MYO10: variants seen among roughly 807,000 people sequenced by gnomAD.
MYO10 encodes unconventional myosin-X.
A neutral mutation model predicts 257.3 loss-of-function variants in MYO10; 133 were observed. The ratio of observed to expected loss-of-function variants is 0.52; its 90% CI spans 0.45 to 0.60. The LOEUF is 0.60. Ranked by LOEUF, MYO10 falls within the 20% of genes least tolerant of loss-of-function variation. The pLI is 0.00. For synonymous variants in MYO10, 1,104 were observed against 1,028.6 expected, an observed-to-expected ratio of 1.07 and a Z score of -1.40; for missense variants, 2,399 against 2,635.7, an observed-to-expected ratio of 0.91 and a Z score of 1.97.
At chr5:16,861,054 G>T (rs1392416787) in intron 2 of MYO10, among the ~76,000 whole-genome samples, 1 of 152,098 alleles carries the variant, frequency 6.6e-6, no homozygotes, top group Non-Finnish European at 1.5e-5. Flanking sequence ...ACCATGGCCT[G>T]AGTCTCACCT....
At chr5:16,672,606 T>C (rs2126468697) in intron 37 of MYO10, 83 bp downstream of exon 37, 9 of 1,525,254 alleles carry the variant, frequency 5.9e-6, no homozygotes, top group Non-Finnish European at 8.1e-6. Context: ...AAGCCACAAA[T>C]GGAATGGGAA....
At chr5:16,672,479 T>A (rs1736514182) in intron 37 of MYO10, among the ~76,000 whole-genome samples, 2 of 151,940 alleles carry the variant, frequency 1.3e-5, no homozygotes. Context: ...AAAAAACCAC[T>A]GACAAGTTAC....
intron 9 of MYO10, among the ~76,000 whole-genome samples, chr5:16,776,089 T>A (rs1323766237): frequency 1.3e-5 from 2 of 148,654 alleles, no homozygotes; most frequent in Admixed American, 1.3e-4. Context: ...TAGAGATGGG[T>A]TTTTGCCATG....
intron 17 of MYO10, 44 bp from the exon 18 acceptor site, chr5:16,758,270 A>C (rs1230537683): frequency 7.7e-7 from 1 of 1,296,516 alleles, no homozygotes; most frequent in East Asian, 2.3e-5. Flanking sequence ...ACACACACCC[A>C]TTATTAGGTG....
rs367952629 is a variant in MYO10 at position 16,701,467 on chromosome 5, G to A, written c.2928C>T (p.Cys976=). The A allele has an allele frequency of 3.3e-5, 54 of 1,613,814 alleles. No homozygotes were observed. In the Middle Eastern group the frequency reaches 6.6e-4, roughly 20 times the overall value. The part of the protein sequence containing the change: ...EFSSELAESA[C]EEKPNFNFSQ... ...TGAAGTTGAAGTTGGGCTTCTCCTC[G>A]CATGCGCTCTCAGCCAGCTCGCTGG... Residue 976 remains cysteine (C), a synonymous_variant, in exon 25 of 41, where the codon TGC becomes TGT. Coordinates refer to ENST00000513610, the MANE Select transcript of MYO10 (RefSeq NM_012334.3). The surrounding 1 kb of genome is among the most constrained non-coding windows in gnomAD (Gnocchi z 8.1).
chr5:16,673,649 C>G (rs1736576794), intron 36 of MYO10, 33 bp downstream of exon 36: 2 of 1,595,248 alleles, frequency 1.3e-6, no homozygotes, highest in South Asian at 1.1e-5. Flanking sequence ...GCAAAGGCAT[C>G]TAACAGAACA....
At chr5:16,737,195 T>C (rs1739838895) in intron 19 of MYO10, among the ~76,000 whole-genome samples, 1 of 152,360 alleles carries the variant, frequency 6.6e-6, no homozygotes, top group Non-Finnish European at 1.5e-5. Context: ...GTATCTTTAA[T>C]AGGACCACTT....
intron 2 of MYO10, among the ~76,000 whole-genome samples, chr5:16,843,358 A>G (rs960807690): frequency 8.5e-5 from 13 of 152,226 alleles, no homozygotes; most frequent in African/African-American, 1.9e-4. Context: ...ATACATACAT[A>G]TAATTATGGC....
At chr5:16,924,597 C>G (rs528894138) in intron 1 of MYO10, among the ~76,000 whole-genome samples, 2 of 152,068 alleles carry the variant, frequency 1.3e-5, no homozygotes, top group African/African-American at 4.8e-5. Context: ...AGCGTTCATG[C>G]GCTGTTTTCT....
At chr5:16,919,151 C>G (rs1055104497) in intron 1 of MYO10, among the ~76,000 whole-genome samples, 6 of 151,798 alleles carry the variant, frequency 4.0e-5, no homozygotes, top group African/African-American at 1.5e-4. Context: ...CCAAGGCAGG[C>G]GGGATCACTT....
chr5:16,787,609 TAAAAAAAAA>T (rs70940401), intron 4 of MYO10, among the ~76,000 whole-genome samples: 69 of 124,970 alleles, frequency 5.5e-4, no homozygotes, highest in African/African-American at 2.0e-3. Flanking sequence ...TGTTTTGCTT[TAAAAAAAAA>T]AAAAAAAAAA....
At chr5:16,882,143 C>T (rs539494648) in intron 1 of MYO10, among the ~76,000 whole-genome samples, 1 of 152,292 alleles carries the variant, frequency 6.6e-6, no homozygotes, top group East Asian at 1.9e-4. Flanking sequence ...GCATAAATTC[C>T]TATCCCCCTT....
Position 16,689,916 on chromosome 5 carries a change from C to A in MYO10, c.3804G>T (p.Glu1268Asp). 1 of 1,611,896 alleles carries A rather than the reference C, an allele frequency of 6.2e-7. No homozygotes were observed. The highest frequency in any genetic ancestry group is 8.5e-7 in the Non-Finnish European group (1 of 1,178,110). The change falls in exon 28 of 41, where the codon GAG (glutamate) becomes GAT (aspartate). Residue 1268 changes from glutamate (E) to aspartate (D), a missense_variant. Glu to Asp is a conservative substitution (Grantham distance 45). Transcript: ENST00000513610. ...TCTCCTTGGTGGTGTTATCTATGAT[C>A]TCTCTGCAAAGAAGCAAAAGCAACA... ...KGTVEVRTAK[E>D]IIDNTTKENG... is the part of the protein sequence containing the mutation.
chr5:16,817,875 G>T (rs1742670609), intron 3 of MYO10, 134 bp downstream of exon 3: 5 of 852,120 alleles, frequency 5.9e-6, no homozygotes, highest in Non-Finnish European at 8.3e-6. Context: ...TTCTAATGTG[G>T]CAAATCCCTT....
chr5:16,742,340 G>T, intron 19 of MYO10: 3 of 728,176 alleles, frequency 4.1e-6, no homozygotes, highest in Non-Finnish European at 5.0e-6. Context: ...GGCTTTACTG[G>T]GATTGTTTTG....
chr5:16,802,361 TAAAG>T (rs1280610396), intron 3 of MYO10, among the ~76,000 whole-genome samples: 3 of 151,800 alleles, frequency 2.0e-5, no homozygotes, highest in South Asian at 2.1e-4. Flanking sequence ...TTTAGTTTAA[TAAAG>T]AAAAAAATAG....
intron 3 of MYO10, 101 bp downstream of exon 3, chr5:16,817,908 T>A: frequency 9.6e-7 from 1 of 1,046,504 alleles, no homozygotes; most frequent in Non-Finnish European, 1.3e-6. Flanking sequence ...TTACTTAGAT[T>A]AACAAGAATT....
intron 9 of MYO10, among the ~76,000 whole-genome samples, chr5:16,777,759 C>G (rs2126665638): frequency 6.7e-6 from 1 of 148,408 alleles, no homozygotes; most frequent in African/African-American, 2.5e-5. Context: ...AAGTTCATAA[C>G]AGTAAGTGCT....
At chr5:16,758,323 C>T in intron 17 of MYO10, 97 bp from the exon 18 acceptor site, 2 of 837,976 alleles carry the variant, frequency 2.4e-6, no homozygotes, top group South Asian at 1.4e-5. Flanking sequence ...AATGATAATT[C>T]AAAGTAATAC....
Sources: allele counts gnomAD v4.1 joint callset (sites outside exome capture counted in the v4.1 genomes callset), GRCh38; gene constraint gnomAD v4.1.1; non-coding constraint Gnocchi (gnomAD v3.1); transcripts MANE v1.5; gene names NCBI Gene and HGNC (gene_info 2026-07-23, HGNC 2026-07-21).